Variants in NAALADL2 observed in about 807,000 individuals in gnomAD.
NAALADL2 encodes the protein inactive N-acetylated-alpha-linked acidic dipeptidase-like protein 2.
NAALADL2 carries 76 observed loss-of-function variants against 87.2 expected under a neutral mutation model. The observed-to-expected ratio is 0.87, with a 90% CI of 0.72 to 1.05. The LOEUF (loss-of-function observed/expected upper bound fraction) is 1.05, where lower values mean the gene tolerates loss of function less well. NAALADL2 is among the 50% of genes least tolerant of loss of function. The probability of loss-of-function intolerance (pLI) is 0.00; values close to 1 mark genes in which losing one functional copy is unlikely to be tolerated. For synonymous variants in NAALADL2, 354 were observed against 331.0 expected (o/e 1.07, Z -0.75); for missense variants, 1,089 against 945.8 (o/e 1.15, Z -1.99).
chr3:175,258,981 A>G (rs867702495), intron 4 of NAALADL2, among the ~76,000 whole-genome samples: 33 of 152,308 alleles, frequency 2.2e-4, no homozygotes, highest in Middle Eastern at 3.4e-3. Flanking sequence ...CTGTACTGAA[A>G]TTGCCACTTG....
intron 2 of NAALADL2, among the ~76,000 whole-genome samples, chr3:175,172,289 A>T (rs1346194366): frequency 6.6e-6 from 1 of 152,128 alleles, no homozygotes; most frequent in Non-Finnish European, 1.5e-5. Flanking sequence ...TTAAACCATG[A>T]CTTGAGTACT....
rs757546820 is a variant in NAALADL2 at position 175,234,093 on chromosome 3, T to A, written c.708T>A (p.Ser236Arg). ...CCAGCACTGTGACTCTGAGCAGCAG[T>A]GGTCAATGCTTTCATCCTAATGGCC... ...PSPSTVTLSS[S>R]GQCFHPNGQP... is the part of the protein sequence containing the mutation. The change falls in exon 3 of 14, where the codon AGT becomes AGA. Residue 236 changes from serine to arginine, a missense_variant. Transcript: ENST00000454872. 6 of 1,613,796 alleles carry A rather than the reference T, an allele frequency of 3.7e-6. No individual in the cohort carries two copies. The highest frequency in any genetic ancestry group is 5.1e-6 in the Non-Finnish European group (6 of 1,179,844).
At chr3:175,452,719 G>C (rs911729845) in intron 6 of NAALADL2, among the ~76,000 whole-genome samples, 7 of 152,158 alleles carry the variant, frequency 4.6e-5, no homozygotes, top group African/African-American at 1.7e-4. Context: ...TGATAACGGA[G>C]TATTCCGTAG....
At chr3:175,573,979 T>C (rs2149550115) in intron 9 of NAALADL2, among the ~76,000 whole-genome samples, 1 of 152,350 alleles carries the variant, frequency 6.6e-6, no homozygotes, top group Admixed American at 6.5e-5. Context: ...AACCCTGACT[T>C]GCTTGTAAAG....
At chr3:175,377,116 C>T (rs1035045621) in intron 5 of NAALADL2, among the ~76,000 whole-genome samples, 1 of 152,066 alleles carries the variant, frequency 6.6e-6, no homozygotes, top group African/African-American at 2.4e-5. Flanking sequence ...AGTTCAAACC[C>T]TCCCTGGCCA....
At chr3:174,858,910 C>G (rs1177737840), upstream of NAALADL2, among the ~76,000 whole-genome samples, 1 of 151,910 alleles carries the variant, frequency 6.6e-6, no homozygotes, top group Non-Finnish European at 1.5e-5. Flanking sequence ...CAAAACTTGT[C>G]TTCACACTGC....
chr3:175,077,514 C>G (rs1027121194), intron 1 of NAALADL2, among the ~76,000 whole-genome samples: 1 of 152,066 alleles, frequency 6.6e-6, no homozygotes, highest in Admixed American at 6.6e-5. Context: ...AGAAATATTT[C>G]TAACTTTGTT....
intron 1 of NAALADL2, among the ~76,000 whole-genome samples, chr3:174,887,958 C>T (rs961878853): frequency 2.6e-5 from 4 of 151,690 alleles, no homozygotes; most frequent in African/African-American, 9.7e-5. Flanking sequence ...AGCTGATGAT[C>T]AAAGTTATAA....
intron 11 of NAALADL2, among the ~76,000 whole-genome samples, chr3:175,674,322 C>T (rs990303426): frequency 3.3e-5 from 5 of 150,874 alleles, no homozygotes; most frequent in African/African-American, 4.9e-5. Flanking sequence ...TGCAGTGGCG[C>T]GATCTCGGCT....
intron 11 of NAALADL2, among the ~76,000 whole-genome samples, chr3:175,650,042 A>G (rs1171834484): frequency 7.1e-6 from 1 of 141,346 alleles, no homozygotes; most frequent in African/African-American, 2.7e-5. Flanking sequence ...AGCATTATTC[A>G]GAATAACCCC....
intron 2 of NAALADL2, among the ~76,000 whole-genome samples, chr3:175,108,363 A>T (rs1229984807): frequency 6.6e-6 from 1 of 152,000 alleles, no homozygotes; most frequent in African/African-American, 2.4e-5. Flanking sequence ...AATCACAGAG[A>T]GCACCTTAAC....
intron 5 of NAALADL2, among the ~76,000 whole-genome samples, chr3:175,422,478 A>G (rs1715868116): frequency 6.6e-6 from 1 of 152,102 alleles, no homozygotes; most frequent in Non-Finnish European, 1.5e-5. Flanking sequence ...ACCTTTTTCA[A>G]GTATCAAAAT....
intron 2 of NAALADL2, among the ~76,000 whole-genome samples, chr3:174,575,504 A>G (rs1715425605): frequency 6.6e-6 from 1 of 152,210 alleles, no homozygotes; most frequent in African/African-American, 2.4e-5. Context: ...ATTATTATAA[A>G]TATGTTATTC....
chr3:175,171,648 C>G (rs761152341), intron 2 of NAALADL2, among the ~76,000 whole-genome samples: 12 of 152,034 alleles, frequency 7.9e-5, no homozygotes, highest in Non-Finnish European at 1.6e-4. Flanking sequence ...CTTCTGATTA[C>G]ATTACTATAT....
At chr3:175,622,034 A>C (rs1726305083) in intron 10 of NAALADL2, among the ~76,000 whole-genome samples, 1 of 152,134 alleles carries the variant, frequency 6.6e-6, no homozygotes, top group Non-Finnish European at 1.5e-5. Context: ...TTAAGTTCTT[A>C]TTTTCATTTG....
chr3:174,569,627 T>C (rs1404629867), intron 2 of NAALADL2, among the ~76,000 whole-genome samples: 1 of 152,110 alleles, frequency 6.6e-6, no homozygotes, highest in Non-Finnish European at 1.5e-5. Flanking sequence ...TGCCTGAGTT[T>C]TTTATTTTAA....
At chr3:174,779,848 C>A (rs1179566889) in intron 3 of NAALADL2, among the ~76,000 whole-genome samples, 1 of 152,066 alleles carries the variant, frequency 6.6e-6, no homozygotes, top group Non-Finnish European at 1.5e-5. Context: ...GTTTTGGTAC[C>A]AATACCATGC....
intron 1 of NAALADL2, among the ~76,000 whole-genome samples, chr3:175,081,705 C>T (rs1169997106): frequency 6.6e-6 from 1 of 152,120 alleles, no homozygotes; most frequent in Non-Finnish European, 1.5e-5. Flanking sequence ...TGTTGAAGCC[C>T]TCTTTAACCT....
intron 1 of NAALADL2, among the ~76,000 whole-genome samples, chr3:174,959,480 G>T (rs368524285): frequency 6.6e-6 from 1 of 151,956 alleles, no homozygotes; most frequent in Non-Finnish European, 1.5e-5. Context: ...GCACTAGTGC[G>T]GTGAGTTCAC....
Sources: gnomAD v4.1 joint callset for allele counts (sites outside exome capture counted in the v4.1 genomes callset) on GRCh38, gnomAD v4.1.1 for gene constraint, MANE v1.5 for transcripts, NCBI Gene and HGNC (gene_info 2026-07-23, HGNC 2026-07-21) for gene names.